CDH13: variants seen among roughly 807,000 people sequenced by gnomAD.
CDH13 encodes the protein cadherin 13.
In CDH13, 24 loss-of-function variants were observed where a neutral mutation model predicts 63.8. The observed-to-expected ratio is 0.38, with a 90% CI of 0.27 to 0.53. The LOEUF (loss-of-function observed/expected upper bound fraction) is 0.53, where lower values mean the gene tolerates loss of function less well. Among genes scored for constraint, CDH13 ranks in the 20% least tolerant of loss-of-function variants. The pLI is 0.85. For missense variants in CDH13, 1,049 were observed against 903.1 expected, an observed-to-expected ratio of 1.16 and a Z score of -2.07; for synonymous variants, 503 against 355.3, an observed-to-expected ratio of 1.42 and a Z score of -4.67.
chr16:83,173,804 T>C (rs1229918975), intron 4 of CDH13, among the ~76,000 whole-genome samples: 2 of 152,056 alleles, frequency 1.3e-5, no homozygotes, highest in African/African-American at 4.8e-5. Flanking sequence ...TGTACCCTTT[T>C]TACCTGCCCT....
At chr16:83,650,668 A>G (rs569061081) in intron 8 of CDH13, among the ~76,000 whole-genome samples, 11 of 152,342 alleles carry the variant, frequency 7.2e-5, no homozygotes, top group African/African-American at 2.6e-4. Context: ...GCATCTCCCA[A>G]TGCACAGGGC....
chr16:83,377,980 T>C (rs1370094833), intron 6 of CDH13, among the ~76,000 whole-genome samples: 2 of 152,156 alleles, frequency 1.3e-5, no homozygotes, highest in South Asian at 2.1e-4. Context: ...TGAATTTGCA[T>C]GTAAAACAAA....
At chr16:83,173,691 A>T (rs773325389) in intron 4 of CDH13, among the ~76,000 whole-genome samples, 11 of 152,118 alleles carry the variant, frequency 7.2e-5, no homozygotes, top group Non-Finnish European at 1.6e-4. Context: ...TATATGAAAG[A>T]TGCTTCGAAA....
intron 7 of CDH13, among the ~76,000 whole-genome samples, chr16:83,560,086 C>T (rs1389199346): frequency 6.6e-6 from 1 of 152,090 alleles, no homozygotes; most frequent in Admixed American, 6.5e-5. Context: ...CCAGTGTCTC[C>T]TTAATTCTTT....
At chr16:82,792,710 T>G in intron 1 of CDH13, among the ~76,000 whole-genome samples, 1 of 152,242 alleles carries the variant, frequency 6.6e-6, no homozygotes, top group East Asian at 1.9e-4. Context: ...AGGCCTTTAT[T>G]TATTTCTTGT....
chr16:83,481,598 C>G (rs1257676951), intron 6 of CDH13, among the ~76,000 whole-genome samples: 1 of 152,212 alleles, frequency 6.6e-6, no homozygotes, highest in African/African-American at 2.4e-5. Context: ...ACTTGTTAAT[C>G]AGCCTGTCAG....
intron 5 of CDH13, among the ~76,000 whole-genome samples, chr16:83,239,335 C>G (rs182573840): frequency 6.6e-6 from 1 of 152,078 alleles, no homozygotes; most frequent in Non-Finnish European, 1.5e-5. Context: ...GTCAAGGGTG[C>G]GTGAGGAGAG....
chr16:83,117,251 C>G (rs1484281493), intron 3 of CDH13, among the ~76,000 whole-genome samples: 6 of 152,178 alleles, frequency 3.9e-5, no homozygotes, highest in Admixed American at 3.9e-4. Flanking sequence ...TTCCCTTCAC[C>G]AGGTCCAGAC....
chr16:83,038,682 G>T (rs578069059), intron 3 of CDH13, among the ~76,000 whole-genome samples: 1 of 152,146 alleles, frequency 6.6e-6, no homozygotes, highest in Non-Finnish European at 1.5e-5. Flanking sequence ...ATGCGTGTTC[G>T]CCTTGTATGT....
intron 1 of CDH13, among the ~76,000 whole-genome samples, chr16:82,706,990 T>G (rs2151000196): frequency 6.6e-6 from 1 of 152,274 alleles, no homozygotes; most frequent in South Asian, 2.1e-4. Context: ...GAGTCCTCTT[T>G]TAAGGAAAGG....
chr16:83,481,823 T>A (rs2073772980), intron 6 of CDH13, among the ~76,000 whole-genome samples: 1 of 152,144 alleles, frequency 6.6e-6, no homozygotes, highest in African/African-American at 2.4e-5. Flanking sequence ...CCAATGCGTG[T>A]CTGTCATATA....
intron 4 of CDH13, among the ~76,000 whole-genome samples, chr16:83,173,301 G>A (rs563076271): frequency 6.9e-4 from 105 of 152,200 alleles, no homozygotes; most frequent in African/African-American, 2.4e-3. Flanking sequence ...TGGGTTCTAT[G>A]TTCTCAAAAG....
chr16:83,389,594 T>C (rs1213852718), intron 6 of CDH13, among the ~76,000 whole-genome samples: 1 of 152,256 alleles, frequency 6.6e-6, no homozygotes, highest in Non-Finnish European at 1.5e-5. Context: ...GACTGGACCA[T>C]TTATTCTGCA....
chr16:83,594,934 G>A (rs1907116503), intron 7 of CDH13, among the ~76,000 whole-genome samples: 1 of 152,156 alleles, frequency 6.6e-6, no homozygotes, highest in African/African-American at 2.4e-5. Context: ...CTGTGTCTGT[G>A]GAGATTCACT....
At chr16:82,778,766 A>T (rs945633421) in intron 1 of CDH13, among the ~76,000 whole-genome samples, 4 of 152,170 alleles carry the variant, frequency 2.6e-5, no homozygotes, top group Non-Finnish European at 5.9e-5. Context: ...CACGCAAGGC[A>T]CTAGGAACCC....
At chr16:83,767,719 A>G (rs545556652) in intron 11 of CDH13, among the ~76,000 whole-genome samples, 10 of 152,234 alleles carry the variant, frequency 6.6e-5, no homozygotes, top group Non-Finnish European at 1.5e-4. Flanking sequence ...CCTCAAAAAC[A>G]TTATGCTAAG....
chr16:83,089,276 C>G (rs372228704), intron 3 of CDH13, among the ~76,000 whole-genome samples: 1 of 152,188 alleles, frequency 6.6e-6, no homozygotes, highest in Non-Finnish European at 1.5e-5. Context: ...AGCGTATAGA[C>G]TTTTGGTCCT....
In CDH13 at chr16:83,787,065, A is replaced by ACACT. The variant is rs1342183759; in HGVS notation, c.2134+3601_2134+3604dup. Among the ~76,000 whole-genome samples the ACACT allele has an allele frequency of 7.2e-5, 11 of 152,324 alleles. No individual in the cohort carries two copies. The East Asian group carries it at 2.1e-3, about 29-fold the overall frequency. On this transcript the variant is annotated intron_variant, in intron 13 of 13. Coordinates refer to ENST00000567109, the MANE Select transcript of CDH13 (RefSeq NM_001257.5). ...TTTTACTACACACAAACTGACACATACACTCACTCACACACATTCACACAT... is the reference window on the plus strand; with the variant it reads ...TTTTACTACACACAAACTGACACATACACTCACTCACTCACACACATTCACACAT...
chr16:83,052,976 G>GGCAAT (rs201730947), intron 3 of CDH13, among the ~76,000 whole-genome samples: 1,636 of 152,178 alleles, frequency 0.011, 35 homozygotes, highest in African/African-American at 0.036. Flanking sequence ...CCGTGAAAGA[G>GGCAAT]GCAATGCAGT....
Sources: gnomAD v4.1 joint callset for allele counts (sites outside exome capture counted in the v4.1 genomes callset) on GRCh38, gnomAD v4.1.1 for gene constraint, MANE v1.5 for transcripts, NCBI Gene and HGNC (gene_info 2026-07-23, HGNC 2026-07-21) for gene names.